The following TOM1L1 variants were observed in gnomAD, a reference collection of about 807,000 sequenced individuals.
The protein encoded by TOM1L1 is TOM1-like protein 1.
A neutral mutation model predicts 63.4 loss-of-function variants in TOM1L1; 64 were observed. That is an observed-to-expected ratio of 1.01 (90% CI 0.83 to 1.24). The LOEUF is 1.24. Ranked by LOEUF, TOM1L1 falls within the 50% of genes most tolerant of loss-of-function variation. The pLI is 0.00. For synonymous variants in TOM1L1, 166 were observed against 194.4 expected (o/e 0.85, Z 1.22); for missense variants, 536 against 567.0 (o/e 0.95, Z 0.55).
intron 11 of TOM1L1, among the ~76,000 whole-genome samples, chr17:54,944,381 C>G (rs902138653): frequency 6.6e-6 from 1 of 150,576 alleles, no homozygotes; most frequent in Non-Finnish European, 1.5e-5. Flanking sequence ...ACCCAGGAGG[C>G]GGAGGTTGCA....
intron 14 of TOM1L1, among the ~76,000 whole-genome samples, chr17:54,959,728 C>T (rs961659969): frequency 2.0e-5 from 3 of 151,646 alleles, no homozygotes; most frequent in African/African-American, 7.3e-5. Context: ...AGTGATCCTC[C>T]GACCTCAGCT....
intron 15 of TOM1L1, 101 bp from the exon 16 acceptor site, chr17:54,961,134 C>T (rs1416144720): frequency 4.8e-6 from 4 of 834,642 alleles, no homozygotes; most frequent in African/African-American, 3.4e-5. Flanking sequence ...TTCTACTAGA[C>T]TGTGACTCTC....
At position 54,914,710 on chromosome 17, in the gene TOM1L1, A is replaced by G. The variant is rs2048558296; in HGVS notation, c.570A>G (p.Pro190=). The G allele has an allele frequency of 1.2e-6, 2 of 1,613,828 alleles. No individual in the cohort carries two copies. The highest frequency in any genetic ancestry group is 1.7e-6 in the Non-Finnish European group (2 of 1,179,726). Residue 190 remains proline, a synonymous_variant, in exon 6 of 16, where the codon CCA becomes CCG. Coordinates refer to ENST00000575882, the MANE Select transcript of TOM1L1 (RefSeq NM_005486.3). ...CAGCTCTTTCTTCTGTAATTGCTCC[A>G]AAGAACTCGACTGTTACATTGGTCC... ...TAPALSSVIA[P]KNSTVTLVPE...
intron 8 of TOM1L1, among the ~76,000 whole-genome samples, chr17:54,933,628 T>C (rs2048900251): frequency 6.6e-6 from 1 of 152,186 alleles, no homozygotes; most frequent in African/African-American, 2.4e-5. Flanking sequence ...GTTCAAGTGA[T>C]TCTCCTGCCT....
At chr17:54,954,809 A>G (rs2049411547) in intron 14 of TOM1L1, 1 of 152,216 alleles carries the variant, frequency 6.6e-6, no homozygotes, top group South Asian at 2.1e-4. Flanking sequence ...TCTGCAAGGC[A>G]GGGTTTTGAT....
At chr17:54,952,072 G>A (rs2049261731) in intron 14 of TOM1L1, 1 of 152,154 alleles carries the variant, frequency 6.6e-6, no homozygotes, top group Admixed American at 6.5e-5. Flanking sequence ...GGGTCTCCCA[G>A]GATAGGTTGC....
At chr17:54,908,652 T>C (rs1487122176) in intron 3 of TOM1L1, among the ~76,000 whole-genome samples, 1 of 152,216 alleles carries the variant, frequency 6.6e-6, no homozygotes, top group African/African-American at 2.4e-5. Flanking sequence ...GTACTATGAT[T>C]TCCTACCATC....
At chr17:54,910,626 C>T (rs946952622) in intron 3 of TOM1L1, among the ~76,000 whole-genome samples, 4 of 152,250 alleles carry the variant, frequency 2.6e-5, no homozygotes, top group Middle Eastern at 3.4e-3. Context: ...GGATTTCGCC[C>T]GTTAAAAATT....
intron 14 of TOM1L1, chr17:54,953,707 C>A (rs1428052007): frequency 6.6e-6 from 1 of 152,262 alleles, no homozygotes. Context: ...TGTAGGGCTG[C>A]CGCATCTTCT....
intron 7 of TOM1L1, among the ~76,000 whole-genome samples, chr17:54,918,376 A>C (rs959937681): frequency 1.3e-5 from 2 of 152,242 alleles, no homozygotes; most frequent in Admixed American, 1.3e-4. Context: ...ATTCCTCTTA[A>C]GGAACTCATT....
chr17:54,916,213 AAGG>A (rs1387460901), intron 7 of TOM1L1: 3 of 342,554 alleles, frequency 8.8e-6, no homozygotes, highest in African/African-American at 6.3e-5. Flanking sequence ...TAGAAATGAG[AAGG>A]AGGCTATTCT....
Position 54,913,819 on chromosome 17 carries a change from G to A in TOM1L1, c.444G>A (p.Lys148=). The stretch of plus-strand genomic sequence containing the variant: ...AAGAAGTATACCTCGACCTGGTTAA[G>A]AAAGGCGTTCAGTTTCCTCCCTCAG... ...EVKEVYLDLV[K]KGVQFPPSEA... is the part of the protein sequence containing the mutation. Residue 148 remains lysine (K), a synonymous_variant, in exon 5 of 16, where the codon AAG becomes AAA. Coordinates refer to ENST00000575882, the MANE Select transcript of TOM1L1 (RefSeq NM_005486.3). The A allele has an allele frequency of 6.2e-7, 1 of 1,612,566 alleles. No individual in the cohort carries two copies.
rs549780654 is a variant in TOM1L1, at chr17:54,930,193, C to G, written c.841C>G (p.Leu281Val). 34 of 1,613,934 alleles carry G rather than the reference C, an allele frequency of 2.1e-5. No homozygotes were observed. Among genetic ancestry groups the G allele is most frequent in the Non-Finnish European group, 2.8e-5 (33 of 1,179,988 alleles). Residue 281 changes from leucine (L) to valine (V), a missense_variant, in exon 8 of 16, where the codon CTT becomes GTT. Physicochemically the swap from Leu to Val is conservative, Grantham distance 32 (BLOSUM62 1). Coordinates refer to ENST00000575882, the MANE Select transcript of TOM1L1 (RefSeq NM_005486.3). ...GAATGAGGATTTGAATAATGCTATC[C>G]TTGGATATGAGAGGTGAGCAGATCA... ...QVNEDLNNAI[L>V]GYERFTRNQQ...
intron 6 of TOM1L1, among the ~76,000 whole-genome samples, chr17:54,915,095 G>A (rs1203959972): frequency 6.6e-6 from 1 of 152,154 alleles, no homozygotes; most frequent in Non-Finnish European, 1.5e-5. Flanking sequence ...GTAAATGGTA[G>A]TCTTATTACT....
Position 54,950,242 on chromosome 17 carries a change from C to T in TOM1L1, c.1370+116C>T, listed in dbSNP as rs2049195846. 8.3e-6 allele frequency: 6 copies of T among 720,956 alleles called. No individual in the cohort carries two copies. In the East Asian group the frequency reaches 1.7e-4, roughly 20 times the overall value. The allele number at this position is 720,956 out of a possible 1,614,324, so 44.7% of individuals were successfully genotyped here. On this transcript the variant is annotated intron_variant, in intron 14 of 15. Transcript: ENST00000575882. ...TTTAGGTCTTGGCAGAAATTGATGG[C>T]CTTATTAAAAATGCCTTATGAGGTT...
intron 11 of TOM1L1, among the ~76,000 whole-genome samples, chr17:54,942,745 C>G (rs760196192): frequency 6.6e-6 from 1 of 151,992 alleles, no homozygotes; most frequent in Non-Finnish European, 1.5e-5. Flanking sequence ...TTTTAACATA[C>G]GTATAGATTC....
intron 8 of TOM1L1, among the ~76,000 whole-genome samples, chr17:54,933,754 C>T (rs750053405): frequency 6.6e-6 from 1 of 152,170 alleles, no homozygotes; most frequent in Non-Finnish European, 1.5e-5. Flanking sequence ...ATCTCTTGAC[C>T]TCGTGATCCA....
At chr17:54,905,985 G>C (rs2048402195) in intron 3 of TOM1L1, among the ~76,000 whole-genome samples, 1 of 151,886 alleles carries the variant, frequency 6.6e-6, no homozygotes, top group African/African-American at 2.4e-5. Flanking sequence ...GCCTGGGCAA[G>C]ATGGTGAGAG....
chr17:54,946,132 G>A (rs1389720260), intron 11 of TOM1L1, among the ~76,000 whole-genome samples: 1 of 152,176 alleles, frequency 6.6e-6, no homozygotes, highest in Non-Finnish European at 1.5e-5. Context: ...ATTCAAATAT[G>A]TCTCATGTAT....
Sources: gnomAD v4.1 joint callset for allele counts (sites outside exome capture counted in the v4.1 genomes callset) on GRCh38, gnomAD v4.1.1 for gene constraint, MANE v1.5 for transcripts, NCBI Gene and HGNC (gene_info 2026-07-23, HGNC 2026-07-21) for gene names.